The following CBLB variants were observed in gnomAD, a reference collection of about 807,000 sequenced individuals.
CBLB encodes the protein Cbl proto-oncogene B.
Under a neutral mutation model 104.9 loss-of-function variants are expected in CBLB, and 31 were observed. The observed-to-expected ratio is 0.30, with a 90% CI of 0.22 to 0.40. The LOEUF (loss-of-function observed/expected upper bound fraction) is 0.40, where lower values mean the gene tolerates loss of function less well. CBLB is among the 10% of genes least tolerant of loss of function. The pLI is 1.00. For synonymous variants in CBLB, 440 were observed against 422.6 expected (o/e 1.04, Z -0.51); for missense variants, 1,062 against 1,214.6 (o/e 0.87, Z 1.87).
intron 3 of CBLB, among the ~76,000 whole-genome samples, chr3:105,799,178 A>T (rs1485859826): frequency 6.4e-5 from 8 of 124,930 alleles, no homozygotes; most frequent in African/African-American, 1.7e-4. Flanking sequence ...GACAAAGAAC[A>T]AAAAAAAAAA....
chr3:105,843,753 C>T (rs1037546711), intron 3 of CBLB, among the ~76,000 whole-genome samples: 50 of 152,228 alleles, frequency 3.3e-4, no homozygotes, highest in African/African-American at 1.2e-3. Flanking sequence ...ATTTCAGCTA[C>T]AGACCTTTAC....
chr3:105,769,999 A>C (rs1156792795), intron 4 of CBLB, among the ~76,000 whole-genome samples: 6 of 152,250 alleles, frequency 3.9e-5, no homozygotes, highest in Middle Eastern at 6.8e-3. Context: ...ATGTAAGAAG[A>C]TTCAAGAGTT....
chr3:105,813,766 G>A (rs1263538526), intron 3 of CBLB, among the ~76,000 whole-genome samples: 3 of 151,960 alleles, frequency 2.0e-5, no homozygotes, highest in African/African-American at 7.2e-5. Flanking sequence ...GATTTTTATT[G>A]TTAGACCTAC....
At chr3:105,773,523 C>T (rs2079107000) in intron 4 of CBLB, among the ~76,000 whole-genome samples, 1 of 152,138 alleles carries the variant, frequency 6.6e-6, no homozygotes, top group African/African-American at 2.4e-5. Context: ...TCAAAAAGTA[C>T]TTAAATGAGT....
chr3:105,818,019 T>C (rs1048568371), intron 3 of CBLB, among the ~76,000 whole-genome samples: 1 of 152,224 alleles, frequency 6.6e-6, no homozygotes, highest in African/African-American at 2.4e-5. Context: ...TTATATTATC[T>C]TGTTTAAAAT....
intron 3 of CBLB, among the ~76,000 whole-genome samples, chr3:105,818,021 G>A: frequency 6.6e-6 from 1 of 152,020 alleles, no homozygotes; most frequent in Non-Finnish European, 1.5e-5. Context: ...ATATTATCTT[G>A]TTTAAAATTC....
chr3:105,658,731 T>C lies in CBLB; in HGVS notation c.*239A>G. 2 of 551,814 alleles carry C rather than the reference T, an allele frequency of 3.6e-6. No individual in the cohort carries two copies. Among genetic ancestry groups the C allele is most frequent in the Admixed American group, 3.1e-5 (1 of 31,804 alleles). The allele number at this position is 551,814 out of a possible 1,614,324, so 34.2% of individuals were successfully genotyped here. On this transcript the variant is annotated 3_prime_UTR_variant, in exon 19 of 19. Coordinates refer to ENST00000394030, the MANE Select transcript of CBLB (RefSeq NM_170662.5). ...TTCAAGGGAAGTAAACGTCTTTAAATTATTTTTGTCAGTTCAACCCTGATT... is the reference window on the plus strand; with the variant it reads ...TTCAAGGGAAGTAAACGTCTTTAAACTATTTTTGTCAGTTCAACCCTGATT...
intron 3 of CBLB, among the ~76,000 whole-genome samples, chr3:105,798,392 CAT>C (rs546015591): frequency 6.6e-6 from 1 of 152,092 alleles, no homozygotes; most frequent in Non-Finnish European, 1.5e-5. Flanking sequence ...GACAGAAACA[CAT>C]GAGGTCCAGC....
intron 18 of CBLB, among the ~76,000 whole-genome samples, chr3:105,669,993 A>T (rs531920033): frequency 1.3e-5 from 2 of 152,304 alleles, no homozygotes; most frequent in Admixed American, 6.5e-5. Context: ...GAATCAAAGA[A>T]GTGGCTCCAC....
At chr3:105,694,573 T>C (rs115583648) in intron 12 of CBLB, among the ~76,000 whole-genome samples, 1 of 151,876 alleles carries the variant, frequency 6.6e-6, no homozygotes, top group African/African-American at 2.4e-5. Flanking sequence ...CCCCATCATA[T>C]TTCTAAAATG....
chr3:105,703,385 A>T (rs1201527676), intron 11 of CBLB, among the ~76,000 whole-genome samples: 5 of 152,210 alleles, frequency 3.3e-5, no homozygotes, highest in Non-Finnish European at 7.4e-5. Flanking sequence ...TTAAAATCTT[A>T]TACTTATCAA....
intron 10 of CBLB, 39 bp from the exon 11 acceptor site, chr3:105,704,212 C>T (rs758735643): frequency 1.3e-6 from 2 of 1,571,972 alleles, no homozygotes; most frequent in South Asian, 1.1e-5. Context: ...TGTTTATTAG[C>T]TGTGCAGAGT....
chr3:105,658,250 A>G lies in CBLB; in HGVS notation c.*720T>C, dbSNP rs2063475290. ...TTAAAGGTTACAAAACTTAAACAAA[A>G]AAGGGAAGCTCCTCTATGTTATGTG... is the stretch of plus-strand genomic sequence containing the variant. On this transcript the variant is annotated 3_prime_UTR_variant, in exon 19 of 19. Coordinates refer to ENST00000394030, the MANE Select transcript of CBLB (RefSeq NM_170662.5). 2 of 218,876 alleles carry G rather than the reference A, an allele frequency of 9.1e-6. No homozygotes were observed. The highest frequency in any genetic ancestry group is 3.7e-4 in the South Asian group (2 of 5,394). 13.6% of individuals were successfully genotyped at this position (218,876 alleles called of 1,614,324 possible).
At chr3:105,791,198 A>G (rs1350222965) in intron 3 of CBLB, among the ~76,000 whole-genome samples, 1 of 152,196 alleles carries the variant, frequency 6.6e-6, no homozygotes, top group African/African-American at 2.4e-5. Flanking sequence ...TGAGAAAACA[A>G]GCAAAAGAAA....
At chr3:105,779,542 A>T (rs1283565257) in intron 3 of CBLB, among the ~76,000 whole-genome samples, 1 of 152,092 alleles carries the variant, frequency 6.6e-6, no homozygotes, top group Non-Finnish European at 1.5e-5. Flanking sequence ...TATTTACTTT[A>T]TACTTATACA....
chr3:105,829,666 C>CAAAAAAAAAA (rs71627689), intron 3 of CBLB, among the ~76,000 whole-genome samples: 2 of 47,024 alleles, frequency 4.3e-5, no homozygotes, highest in Admixed American at 3.0e-4. Flanking sequence ...AAGACCGTCC[C>CAAAAAAAAAA]AAAAAAAAAA....
intron 3 of CBLB, among the ~76,000 whole-genome samples, chr3:105,824,483 G>A (rs572090720): frequency 1.3e-5 from 2 of 152,166 alleles, no homozygotes; most frequent in Admixed American, 6.6e-5. Context: ...TTTCTGTCAC[G>A]TAAGAGGACT....
At chr3:105,726,728 G>A (rs1019385140) in intron 9 of CBLB, among the ~76,000 whole-genome samples, 63 of 152,076 alleles carry the variant, frequency 4.1e-4, no homozygotes, top group Admixed American at 2.5e-3. Flanking sequence ...GACAGACCCT[G>A]GTGTGTGATG....
chr3:105,857,645 T>A (rs1275065699), intron 2 of CBLB, among the ~76,000 whole-genome samples: 1 of 152,252 alleles, frequency 6.6e-6, no homozygotes, highest in Non-Finnish European at 1.5e-5. Context: ...AGGCATATAA[T>A]TAATGATCCC....
Sources: allele counts gnomAD v4.1 joint callset (sites outside exome capture counted in the v4.1 genomes callset), GRCh38; gene constraint gnomAD v4.1.1; transcripts MANE v1.5; gene names NCBI Gene and HGNC (gene_info 2026-07-23, HGNC 2026-07-21).